Variants in SPON1 observed in about 807,000 individuals in gnomAD.
SPON1 encodes spondin-1.
A neutral mutation model predicts 111.7 loss-of-function variants in SPON1; 52 were observed. That is an observed-to-expected ratio of 0.47 (90% CI 0.37 to 0.59). The LOEUF (loss-of-function observed/expected upper bound fraction) is 0.59, where lower values mean the gene tolerates loss of function less well. Ranked by LOEUF, SPON1 falls within the 20% of genes least tolerant of loss-of-function variation. The probability of loss-of-function intolerance (pLI) is 0.00; values close to 1 mark genes in which losing one functional copy is unlikely to be tolerated. For synonymous variants in SPON1, 410 were observed against 395.8 expected, an observed-to-expected ratio of 1.04 and a Z score of -0.43; for missense variants, 957 against 1,068.5, an observed-to-expected ratio of 0.90 and a Z score of 1.46.
In SPON1 at chr11:14,257,697, T is replaced by G; in HGVS notation, c.1310-19T>G. On this transcript the variant is annotated intron_variant, in intron 10 of 15. Transcript: ENST00000576479. ...CTCCCATAGGTTCCCAGGGAAAACA[T>G]GTCAAACACTCTTTCCAGATGACAC... 6.3e-7 allele frequency: 1 copy of G among 1,584,380 alleles called. No homozygotes were observed. The highest frequency in any genetic ancestry group is 8.6e-7 in the Non-Finnish European group (1 of 1,161,912).
chr11:14,187,391 C>G (rs1313157611), intron 6 of SPON1, among the ~76,000 whole-genome samples: 6 of 152,158 alleles, frequency 3.9e-5, no homozygotes, highest in Non-Finnish European at 7.4e-5. Context: ...TAACTCCCAC[C>G]ACTAGGCAGA....
intron 6 of SPON1, among the ~76,000 whole-genome samples, chr11:14,214,783 G>A (rs1325970892): frequency 3.3e-5 from 5 of 152,156 alleles, no homozygotes; most frequent in African/African-American, 1.2e-4. Flanking sequence ...TATTAATGAA[G>A]TAAGAGTACA....
chr11:14,182,020 TCCATGAGGCAA>T (rs1848239276), intron 6 of SPON1, among the ~76,000 whole-genome samples: 1 of 152,288 alleles, frequency 6.6e-6, no homozygotes, highest in East Asian at 1.9e-4. Context: ...GACAGCTCTA[TCCATGAGGCAA>T]CCATGACAGC....
intron 6 of SPON1, among the ~76,000 whole-genome samples, chr11:14,160,657 T>TTATA (rs1222553349): frequency 2.0e-4 from 5 of 25,416 alleles, no homozygotes; most frequent in Non-Finnish European, 2.7e-4. Flanking sequence ...ATTTATATAT[T>TTATA]TATATATATA....
chr11:14,080,252 G>A (rs1554921919), intron 5 of SPON1, among the ~76,000 whole-genome samples: 2 of 147,052 alleles, frequency 1.4e-5, no homozygotes, highest in Admixed American at 6.8e-5. Flanking sequence ...TTTTTGAGAT[G>A]GAGTCTCGCT....
intron 6 of SPON1, among the ~76,000 whole-genome samples, chr11:14,239,773 G>T (rs1848905282): frequency 6.6e-6 from 1 of 152,196 alleles, no homozygotes; most frequent in South Asian, 2.1e-4. Flanking sequence ...ATTAGCATAT[G>T]ACCTCAGGTA....
chr11:14,186,586 C>G (rs1218782051), intron 6 of SPON1, among the ~76,000 whole-genome samples: 1 of 152,228 alleles, frequency 6.6e-6, no homozygotes, highest in Non-Finnish European at 1.5e-5. Flanking sequence ...CCCACTCCAA[C>G]CAGCCTCTCC....
intron 5 of SPON1, among the ~76,000 whole-genome samples, chr11:14,082,036 C>T (rs1236222171): frequency 6.6e-6 from 1 of 152,116 alleles, no homozygotes; most frequent in African/African-American, 2.4e-5. Context: ...TTGGAACAAG[C>T]ACGATGGAAA....
intron 3 of SPON1, among the ~76,000 whole-genome samples, chr11:14,067,176 C>CA (rs147211848): frequency 0.26 from 39,880 of 151,292 alleles, 6,318 homozygotes; most frequent in South Asian, 0.41. Context: ...GACTCTGCCT[C>CA]AAAAAAAACA....
intron 3 of SPON1, among the ~76,000 whole-genome samples, chr11:14,063,435 C>G (rs984631023): frequency 6.6e-6 from 1 of 152,078 alleles, no homozygotes; most frequent in Non-Finnish European, 1.5e-5. Context: ...TTCTTCCCTT[C>G]TCCCACTCTT....
intron 6 of SPON1, among the ~76,000 whole-genome samples, chr11:14,231,632 C>A (rs1848804168): frequency 6.6e-6 from 1 of 152,092 alleles, no homozygotes; most frequent in Non-Finnish European, 1.5e-5. Flanking sequence ...TATATACACA[C>A]ACAATTTTCT....
chr11:14,095,103 T>C (rs907349254), intron 5 of SPON1, among the ~76,000 whole-genome samples: 3 of 152,250 alleles, frequency 2.0e-5, no homozygotes, highest in Non-Finnish European at 4.4e-5. Context: ...TTTTTACAAA[T>C]GACTTTGAAA....
chr11:14,027,313 G>C (rs1303430367), intron 2 of SPON1, among the ~76,000 whole-genome samples: 1 of 152,212 alleles, frequency 6.6e-6, no homozygotes, highest in Non-Finnish European at 1.5e-5. Flanking sequence ...CTTTCTGGAA[G>C]TTGGTGATGT....
chr11:14,137,604 T>A (rs1847607840), intron 6 of SPON1, among the ~76,000 whole-genome samples: 1 of 152,156 alleles, frequency 6.6e-6, no homozygotes. Flanking sequence ...GACTTAAACC[T>A]AAGTCTGTCT....
intron 14 of SPON1, among the ~76,000 whole-genome samples, chr11:14,261,617 T>C (rs1849183472): frequency 6.6e-6 from 1 of 152,138 alleles, no homozygotes; most frequent in Non-Finnish European, 1.5e-5. Flanking sequence ...CCTGGGTTGT[T>C]TTAGGAGACT....
intron 3 of SPON1, among the ~76,000 whole-genome samples, chr11:14,055,457 G>A (rs16913555): frequency 0.032 from 4,820 of 152,270 alleles, 250 homozygotes; most frequent in African/African-American, 0.11. Flanking sequence ...GTAGTCTTCC[G>A]TCTTTTTAAA....
At chr11:14,255,246 A>G (rs1039707470) in intron 8 of SPON1, among the ~76,000 whole-genome samples, 3 of 152,192 alleles carry the variant, frequency 2.0e-5, no homozygotes, top group African/African-American at 4.8e-5. Context: ...TCACTACCAC[A>G]GCTGAGTTGA....
intron 6 of SPON1, among the ~76,000 whole-genome samples, chr11:14,138,183 A>G (rs531947393): frequency 6.6e-5 from 10 of 152,326 alleles, no homozygotes; most frequent in Admixed American, 4.6e-4. Context: ...TCTTTTCTCA[A>G]GAAAGACATT....
intron 2 of SPON1, among the ~76,000 whole-genome samples, chr11:14,016,430 A>G (rs1848444384): frequency 6.6e-6 from 1 of 152,254 alleles, no homozygotes; most frequent in Admixed American, 6.5e-5. Context: ...AGGCAGAAGT[A>G]TATCCATCTA....
Sources: allele counts gnomAD v4.1 joint callset (sites outside exome capture counted in the v4.1 genomes callset), GRCh38; gene constraint gnomAD v4.1.1; transcripts MANE v1.5; gene names NCBI Gene and HGNC (gene_info 2026-07-23, HGNC 2026-07-21).